STK33: variants seen among roughly 807,000 people sequenced by gnomAD.
The protein encoded by STK33 is serine/threonine-protein kinase 33.
Under a neutral mutation model 58.0 loss-of-function variants are expected in STK33, and 52 were observed. The observed-to-expected ratio is 0.90, with a 90% confidence interval of 0.72 to 1.13. The LOEUF (loss-of-function observed/expected upper bound fraction) is 1.13. STK33 is among the 50% of genes most tolerant of loss of function. STK33 has a pLI of 0.00. For synonymous variants in STK33, 215 were observed against 200.1 expected, an observed-to-expected ratio of 1.07 and a Z score of -0.63; for missense variants, 630 against 604.2, an observed-to-expected ratio of 1.04 and a Z score of -0.45.
chr11:8,567,524 T>C (rs570051949), intron 1 of STK33, among the ~76,000 whole-genome samples: 1 of 152,306 alleles, frequency 6.6e-6, no homozygotes, highest in African/African-American at 2.4e-5. Flanking sequence ...TCTTTAGGGA[T>C]TGGCTATAAC....
chr11:8,398,673 G>A (rs1461138094), intron 15 of STK33, among the ~76,000 whole-genome samples: 1 of 151,838 alleles, frequency 6.6e-6, no homozygotes, highest in Non-Finnish European at 1.5e-5. Flanking sequence ...TGGCAAATTG[G>A]ATAAAGAGTC....
At chr11:8,474,635 A>T in intron 5 of STK33, 46 bp downstream of exon 5, 1 of 1,411,360 alleles carries the variant, frequency 7.1e-7, no homozygotes, top group Non-Finnish European at 9.7e-7. Flanking sequence ...ACCATTAGGG[A>T]ACGGGATGTC....
chr11:8,431,024 G>A (rs1278677471), intron 14 of STK33, among the ~76,000 whole-genome samples: 6 of 151,680 alleles, frequency 4.0e-5, no homozygotes, highest in East Asian at 1.9e-4. Context: ...CCGCCACCAC[G>A]CCTGGCTAAT....
chr11:8,339,201 C>T, the STK33 span, among the ~76,000 whole-genome samples: 1 of 152,110 alleles, frequency 6.6e-6, no homozygotes, highest in Non-Finnish European at 1.5e-5. Flanking sequence ...GATGGGGCTC[C>T]GAGGGATTTA....
At chr11:8,369,368 T>C in the STK33 span, among the ~76,000 whole-genome samples, 1 of 150,492 alleles carries the variant, frequency 6.6e-6, no homozygotes, top group Non-Finnish European at 1.5e-5. Flanking sequence ...TGCTATACGA[T>C]GGCACAGGCA....
intron 1 of STK33, among the ~76,000 whole-genome samples, chr11:8,586,442 C>T (rs1020366486): frequency 1.3e-5 from 2 of 152,090 alleles, no homozygotes; most frequent in African/African-American, 2.4e-5. Flanking sequence ...TCCCTGACTT[C>T]CCCCAAGCAG....
chr11:8,399,746 A>G (rs1203801192), intron 15 of STK33, among the ~76,000 whole-genome samples: 2 of 152,186 alleles, frequency 1.3e-5, no homozygotes, highest in Admixed American at 6.5e-5. Flanking sequence ...AAGAAAAGAG[A>G]GAAGAATCAA....
chr11:8,374,659 C>T, the STK33 span, among the ~76,000 whole-genome samples: 3 of 152,154 alleles, frequency 2.0e-5, no homozygotes, highest in African/African-American at 7.2e-5. Flanking sequence ...CTATAAAATC[C>T]CTACCTCCAG....
chr11:8,487,622 C>T (rs1220641045), intron 1 of STK33, among the ~76,000 whole-genome samples: 3 of 152,048 alleles, frequency 2.0e-5, no homozygotes, highest in Middle Eastern at 3.4e-3. Context: ...AGAATGGAAA[C>T]GGTGTCCATA....
At chr11:8,507,150 G>C (rs1043662356) in intron 1 of STK33, among the ~76,000 whole-genome samples, 2 of 152,102 alleles carry the variant, frequency 1.3e-5, no homozygotes, top group Admixed American at 6.6e-5. Context: ...GATGACGCAA[G>C]GCCTTCTAGC....
intron 12 of STK33, among the ~76,000 whole-genome samples, chr11:8,439,471 C>G (rs1591063161): frequency 6.6e-6 from 1 of 151,776 alleles, no homozygotes; most frequent in Admixed American, 6.6e-5. Flanking sequence ...ACCTTAAAAT[C>G]TTTTGTGGAG....
chr11:8,488,835 C>T (rs1950368207), intron 1 of STK33, among the ~76,000 whole-genome samples: 1 of 151,940 alleles, frequency 6.6e-6, no homozygotes, highest in Non-Finnish European at 1.5e-5. Context: ...CAAACATGGC[C>T]CATACAGAAG....
intron 14 of STK33, among the ~76,000 whole-genome samples, chr11:8,419,460 T>C (rs1941605024): frequency 1.3e-5 from 2 of 152,188 alleles, no homozygotes; most frequent in Admixed American, 1.3e-4. Flanking sequence ...CTTGTACCCA[T>C]ACCATGTTGT....
chr11:8,362,051 G>C, the STK33 span, among the ~76,000 whole-genome samples: 1 of 152,146 alleles, frequency 6.6e-6, no homozygotes, highest in African/African-American at 2.4e-5. Flanking sequence ...TGGGGCCTAG[G>C]AGCTGGACTC....
chr11:8,401,650 T>TGC (rs1401807249), intron 15 of STK33, among the ~76,000 whole-genome samples: 27 of 152,058 alleles, frequency 1.8e-4, no homozygotes, highest in Non-Finnish European at 3.2e-4. Flanking sequence ...AGCTTCTGCA[T>TGC]AGCAAAAGAA....
chr11:8,503,987 AAT>A (rs1264792918), intron 1 of STK33, among the ~76,000 whole-genome samples: 1 of 152,224 alleles, frequency 6.6e-6, no homozygotes, highest in Non-Finnish European at 1.5e-5. Flanking sequence ...CTTTAAAAGG[AAT>A]TACATAGAAA....
At chr11:8,548,091 A>G (rs1591738062) in intron 1 of STK33, among the ~76,000 whole-genome samples, 1 of 151,960 alleles carries the variant, frequency 6.6e-6, no homozygotes, top group Non-Finnish European at 1.5e-5. Flanking sequence ...CAGCACACCA[A>G]CATGGCACGT....
chr11:8,432,505 T>C (rs892348758), intron 14 of STK33, among the ~76,000 whole-genome samples: 2 of 152,206 alleles, frequency 1.3e-5, no homozygotes, highest in Admixed American at 6.5e-5. Flanking sequence ...GATGACAATA[T>C]GTATGTGTTT....
At chr11:8,339,182 T>G in the STK33 span, among the ~76,000 whole-genome samples, 3 of 151,950 alleles carry the variant, frequency 2.0e-5, no homozygotes, top group East Asian at 5.8e-4. Context: ...AAGGAGGGGT[T>G]TGGGGAGCGA....
Sources: allele counts gnomAD v4.1 joint callset (sites outside exome capture counted in the v4.1 genomes callset), GRCh38; gene constraint gnomAD v4.1.1; transcripts MANE v1.5; gene names NCBI Gene and HGNC (gene_info 2026-07-23, HGNC 2026-07-21).